FAM3D: variants seen among roughly 807,000 people sequenced by gnomAD.
FAM3D encodes protein FAM3D.
FAM3D carries 26 observed loss-of-function variants against 29.8 expected under a neutral mutation model. That is an observed-to-expected ratio of 0.87 (90% CI 0.64 to 1.21). The LOEUF is 1.21. FAM3D is among the 50% of genes most tolerant of loss of function. The pLI, the probability that FAM3D is intolerant of heterozygous loss-of-function variation, is 0.00. For synonymous variants in FAM3D, 115 were observed against 102.3 expected (o/e 1.12, Z -0.75); for missense variants, 253 against 290.9 (o/e 0.87, Z 0.95).
chr3:58,642,191 T>G (rs995862758), intron 6 of FAM3D, among the ~76,000 whole-genome samples: 1 of 152,190 alleles, frequency 6.6e-6, no homozygotes, highest in African/African-American at 2.4e-5. Context: ...TGCCACTCCC[T>G]GCCCTGGCCC....
chr3:58,647,213 A>C (rs1435048722), intron 4 of FAM3D, among the ~76,000 whole-genome samples: 1 of 152,206 alleles, frequency 6.6e-6, no homozygotes, highest in Non-Finnish European at 1.5e-5. Context: ...TGACATTGTC[A>C]CCCAGAGAGT....
At chr3:58,651,565 G>C (rs1420798726) in intron 3 of FAM3D, among the ~76,000 whole-genome samples, 1 of 152,180 alleles carries the variant, frequency 6.6e-6, no homozygotes, top group Non-Finnish European at 1.5e-5. Context: ...GGTCCCTGGG[G>C]CCAAACACAG....
At chr3:58,642,263 C>G (rs1487270529) in intron 6 of FAM3D, among the ~76,000 whole-genome samples, 1 of 152,218 alleles carries the variant, frequency 6.6e-6, no homozygotes. Context: ...CCAGGAACAG[C>G]CCCATCACTG....
At chr3:58,637,042 G>C in intron 8 of FAM3D, 99 bp downstream of exon 8, 1 of 1,056,356 alleles carries the variant, frequency 9.5e-7, no homozygotes, top group East Asian at 2.6e-5. Flanking sequence ...TAAGTTGCCA[G>C]AAAATGGATC....
intron 4 of FAM3D, among the ~76,000 whole-genome samples, chr3:58,647,446 G>C (rs1218017040): frequency 6.6e-6 from 1 of 152,170 alleles, no homozygotes; most frequent in Non-Finnish European, 1.5e-5. Flanking sequence ...CTACAGCCTT[G>C]GGGCCCCACC....
chr3:58,634,479 C>T lies in FAM3D; in HGVS notation c.586-111G>A. 4.5e-6 allele frequency: 4 copies of T among 890,404 alleles called. No homozygotes were observed. The highest frequency in any genetic ancestry group is 6.8e-6 in the Non-Finnish European group (4 of 583,984). 55.2% of individuals were successfully genotyped at this position (890,404 alleles called of 1,614,324 possible). On this transcript the variant is annotated intron_variant, in intron 9 of 9. Coordinates refer to ENST00000358781, the MANE Select transcript of FAM3D (RefSeq NM_138805.3). This position sits in a 1 kb window ranked among gnomAD's most constrained non-coding sequence, Gnocchi z 4.6. ...AAATGGGGGTGTGGGATGTTATTAA[C>T]CCACTTCACAGATGGGGAAACTGAG...
rs542629818 is a variant in FAM3D, at chr3:58,635,623, G to A, written c.585+671C>T. 6.6e-6 allele frequency among the ~76,000 whole-genome samples: 1 copy of A among 152,152 alleles called. No individual in the cohort carries two copies. The highest frequency in any genetic ancestry group is 1.5e-5 in the Non-Finnish European group (1 of 68,042). On this transcript the variant is annotated intron_variant, in intron 9 of 9. Coordinates refer to ENST00000358781, the MANE Select transcript of FAM3D (RefSeq NM_138805.3). The surrounding 1 kb of genome is among the most constrained non-coding windows in gnomAD (Gnocchi z 5.2). ...GCTGCAGCACCCCCACAGGACATTC[G>A]GGAACCACACCCGGCCGCCCCCGCC...
chr3:58,643,392 G>T lies in FAM3D; in HGVS notation c.322+270C>A, dbSNP rs116262588. Among the ~76,000 whole-genome samples, 787 of 152,352 alleles carry T rather than the reference G, an allele frequency of 5.2e-3. 9 individuals are homozygous for T. The highest frequency in any genetic ancestry group is 0.018 in the African/African-American group (746 of 41,582). On this transcript the variant is annotated intron_variant, in intron 6 of 9. Coordinates refer to ENST00000358781, the MANE Select transcript of FAM3D (RefSeq NM_138805.3). ...TAAGCAGAGAGGCTTTGAGGATCGG[G>T]TCATGTTTCACTCATGTTCCATAGG...
At chr3:58,659,498 G>C (rs2066891653) in intron 1 of FAM3D, among the ~76,000 whole-genome samples, 1 of 152,212 alleles carries the variant, frequency 6.6e-6, no homozygotes, top group Admixed American at 6.5e-5. Flanking sequence ...GTGCACCCTG[G>C]TGGAGAAAGA....
At chr3:58,638,110 C>T (rs2066227278) in intron 7 of FAM3D, among the ~76,000 whole-genome samples, 1 of 152,090 alleles carries the variant, frequency 6.6e-6, no homozygotes, top group African/African-American at 2.4e-5. Flanking sequence ...TCTCGAACTC[C>T]CAACCTCAGG....
At position 58,649,135 on chromosome 3, in the gene FAM3D, G is replaced by C. The variant is rs1016919352; in HGVS notation, c.145+180C>G. Among the ~76,000 whole-genome samples the C allele has an allele frequency of 5.5e-4, 84 of 152,330 alleles. 1 individual carries two copies. The highest frequency in any genetic ancestry group is 1.9e-3 in the African/African-American group (80 of 41,564). On this transcript the variant is annotated intron_variant, in intron 4 of 9. Coordinates refer to ENST00000358781, the MANE Select transcript of FAM3D (RefSeq NM_138805.3). ...GCCACCCCTGCCACAGGGCTTAGAG[G>C]CTTCAGAAGGCACCATTGGGCCATG... is the stretch of plus-strand genomic sequence containing the variant.
intron 1 of FAM3D, among the ~76,000 whole-genome samples, chr3:58,656,303 T>A (rs2066798195): frequency 6.6e-6 from 1 of 152,216 alleles, no homozygotes. Context: ...AGACCCACCA[T>A]GGCTAAGTTC....
intron 1 of FAM3D, chr3:58,657,387 G>A (rs1575491453): frequency 6.6e-6 from 1 of 151,008 alleles, no homozygotes; most frequent in African/African-American, 2.4e-5. Flanking sequence ...GTGGGGAAGA[G>A]AGAGAGAGAG....
rs776389926 is a variant in FAM3D, at chr3:58,636,371, C to T, written c.508G>A (p.Ala170Thr). The change falls in exon 9 of 10, where the codon GCA becomes ACA. Residue 170 changes from alanine to threonine, a missense_variant. By Grantham distance (58) the Ala-to-Thr change is moderately conservative. Coordinates refer to ENST00000358781, the MANE Select transcript of FAM3D (RefSeq NM_138805.3). ...KLFSDLGSSY[A>T]KQLGFRDSWV... ...CTGTCCCGGAAGCCCAGTTGTTTTG[C>T]GTAGGAACTCCCCAAGTCAGAGAAG... 1.6e-5 allele frequency: 26 copies of T among 1,614,050 alleles called. No individual in the cohort carries two copies. The highest frequency in any genetic ancestry group is 2.0e-5 in the Non-Finnish European group (24 of 1,180,038).
intron 5 of FAM3D, 67 bp from the exon 6 acceptor site, chr3:58,643,787 G>T: frequency 6.8e-7 from 1 of 1,476,310 alleles, no homozygotes; most frequent in East Asian, 2.3e-5. Flanking sequence ...TGCTCTCCCA[G>T]CTGGGGAACT....
chr3:58,636,293 C>T lies in FAM3D; in HGVS notation c.585+1G>A. 3 of 1,613,760 alleles carry T rather than the reference C, an allele frequency of 1.9e-6. No homozygotes were observed. Among genetic ancestry groups the T allele is most frequent in the Non-Finnish European group, 2.5e-6 (3 of 1,179,928 alleles). On this transcript the variant is annotated splice_donor_variant, in intron 9 of 9. Coordinates refer to ENST00000358781, the MANE Select transcript of FAM3D (RefSeq NM_138805.3). LOFTEE classifies it high-confidence loss of function. ...GGGCCGGGTTGTGGCCCAGAACCCA[C>T]CTGCTCAAAGGGGCTTTTACCCCTG...
chr3:58,643,513 C>T (rs1182523295), intron 6 of FAM3D, 149 bp downstream of exon 6: 6 of 851,406 alleles, frequency 7.0e-6, no homozygotes, highest in East Asian at 2.5e-5. Flanking sequence ...TCTGTTCCCC[C>T]AGGCCAGCCA....
Position 58,635,161 on chromosome 3 carries a change from C to T in FAM3D, c.586-793G>A, listed in dbSNP as rs879647405. On this transcript the variant is annotated intron_variant, in intron 9 of 9. Transcript: ENST00000358781. This position sits in a 1 kb window ranked among gnomAD's most constrained non-coding sequence, Gnocchi z 5.2. Reference sequence around the variant, plus strand: ...CTGCACTCCAGCCTAGGTGACAGAGCGAGACCCTATCTCTAAAATATATAT... The same window carrying T: ...CTGCACTCCAGCCTAGGTGACAGAGTGAGACCCTATCTCTAAAATATATAT... Among the ~76,000 whole-genome samples the T allele has an allele frequency of 2.6e-5, 4 of 151,996 alleles. No individual in the cohort carries two copies. Among genetic ancestry groups the T allele is most frequent in the Admixed American group, 6.5e-5 (1 of 15,272 alleles).
chr3:58,636,565 G>T, intron 8 of FAM3D, 145 bp from the exon 9 acceptor site: 1 of 1,165,418 alleles, frequency 8.6e-7, no homozygotes, highest in East Asian at 2.5e-5. Flanking sequence ...GCTGCACTCA[G>T]GAAGGACAGG....
Sources: gnomAD v4.1 joint callset for allele counts (sites outside exome capture counted in the v4.1 genomes callset) on GRCh38, gnomAD v4.1.1 for gene constraint, Gnocchi (gnomAD v3.1) non-coding constraint, MANE v1.5 for transcripts, NCBI Gene and HGNC (gene_info 2026-07-23, HGNC 2026-07-21) for gene names.